LCE2A: variants seen among roughly 807,000 people sequenced by gnomAD.
The protein encoded by LCE2A is late cornified envelope 2A, also known as late cornified envelope protein 2A.
For missense variants in LCE2A, 147 were observed against 137.6 expected, an observed-to-expected ratio of 1.07 and a Z score of -0.34; for synonymous variants, 65 against 52.5, an observed-to-expected ratio of 1.24 and a Z score of -1.03.
Position 152,699,010 on chromosome 1 carries a change from C to A in LCE2A, c.109C>A (p.Pro37Thr), listed in dbSNP as rs756869440. 1.4e-5 allele frequency: 23 copies of A among 1,614,046 alleles called. No individual in the cohort carries two copies. The Middle Eastern group carries it at 8.2e-4, about 58-fold the overall frequency. ...CCGACCTCAGTGCCCAGCCCCATGC[C>A]CACCTCCAGTCTCTTCCTGCTGTGG... ...KCRPQCPAPCPPPVSSCCGPS... is the reference protein window; with the variant it reads ...KCRPQCPAPCTPPVSSCCGPS... Residue 37 changes from proline (P) to threonine (T), a missense_variant, in exon 2 of 2, where the codon CCA (proline) becomes ACA (threonine). Physicochemically the swap from Pro to Thr is conservative, Grantham distance 38 (BLOSUM62 -1). Coordinates refer to ENST00000368779, the MANE Select transcript of LCE2A (RefSeq NM_178428.4).
rs1471229292 is a variant in LCE2A at position 152,699,422 on chromosome 1, G to C, written c.*200G>C. The C allele has an allele frequency of 1.5e-6, 1 of 664,834 alleles. No homozygotes were observed. The highest frequency in any genetic ancestry group is 2.6e-6 in the Non-Finnish European group (1 of 389,600). The allele number at this position is 664,834 out of a possible 1,614,324, so 41.2% of individuals were successfully genotyped here. A position where few individuals can be genotyped will look rare whatever the true frequency, so the allele number is the denominator to read the frequency against. The stretch of plus-strand genomic sequence containing the variant: ...CCACTTTACCTCATACAACAATAAA[G>C]CTCTTTTGCCTCTTCGTGAAGTACC... On this transcript the variant is annotated 3_prime_UTR_variant, in exon 2 of 2. Transcript: ENST00000368779.
Position 152,699,137 on chromosome 1 carries a change from G to A in LCE2A, c.236G>A (p.Arg79Gln), listed in dbSNP as rs371432619. 166 of 1,613,912 alleles carry A rather than the reference G, an allele frequency of 1.0e-4. No homozygotes were observed. The highest frequency in any genetic ancestry group is 1.7e-4 in the Middle Eastern group (1 of 6,060). Residue 79 changes from arginine to glutamine, a missense_variant, in exon 2 of 2, where the codon CGG (arginine) becomes CAG (glutamine). Coordinates refer to ENST00000368779, the MANE Select transcript of LCE2A (RefSeq NM_178428.4). ...CACCACAGGCCCCGTCTCTTCCACC[G>A]GCACCGGCACCAGAGCCCCGATTGT... ...LSHHRPRLFH[R>Q]HRHQSPDCCE... is the part of the protein sequence containing the mutation.
Position 152,698,906 on chromosome 1 carries a change from C to T in LCE2A, c.5C>T (p.Ser2Phe). 6.2e-7 allele frequency: 1 copy of T among 1,614,174 alleles called. No homozygotes were observed. Among genetic ancestry groups the T allele is most frequent in the Non-Finnish European group, 8.5e-7 (1 of 1,180,018 alleles). M[S>F]CQQNQQQCQP... Reference sequence around the variant, plus strand: ...GGTTGAAAAAGTCGCACTGAGATGTCCTGCCAGCAAAACCAGCAGCAGTGC... The same window carrying T: ...GGTTGAAAAAGTCGCACTGAGATGTTCTGCCAGCAAAACCAGCAGCAGTGC... The change falls in exon 2 of 2, where the codon TCC becomes TTC. Residue 2 changes from serine (S) to phenylalanine (F), a missense_variant. By Grantham distance (155) the Ser-to-Phe change is radical. Coordinates refer to ENST00000368779, the MANE Select transcript of LCE2A (RefSeq NM_178428.4).
At chr1:152,698,817 A>G in intron 1 of LCE2A, 65 bp from the exon 2 acceptor site, 1 of 1,413,866 alleles carries the variant, frequency 7.1e-7, no homozygotes, top group Non-Finnish European at 9.9e-7. Flanking sequence ...ATTTAGTTTT[A>G]AAAGAGATAA....
chr1:152,698,738 C>T, intron 1 of LCE2A, 144 bp from the exon 2 acceptor site: 2 of 643,448 alleles, frequency 3.1e-6, no homozygotes, highest in South Asian at 4.5e-5. Flanking sequence ...TTTTCTTTCA[C>T]TTGTTGATAT....
Position 152,698,893 on chromosome 1 carries a change from C to G in LCE2A, c.-9C>G, listed in dbSNP as rs369058300. The G allele has an allele frequency of 4.3e-6, 7 of 1,613,924 alleles. No individual in the cohort carries two copies. The highest frequency in any genetic ancestry group is 5.9e-6 in the Non-Finnish European group (7 of 1,179,950). On this transcript the variant is annotated 5_prime_UTR_variant, in exon 2 of 2. Coordinates refer to ENST00000368779, the MANE Select transcript of LCE2A (RefSeq NM_178428.4). ...ATTTCGAATTTCAGGTTGAAAAAGT[C>G]GCACTGAGATGTCCTGCCAGCAAAA...
Position 152,698,883 on chromosome 1 carries a change from T to C in LCE2A, c.-19T>C. Reference sequence around the variant, plus strand: ...GGGTTTGACTATTTCGAATTTCAGGTTGAAAAAGTCGCACTGAGATGTCCT... The same window carrying C: ...GGGTTTGACTATTTCGAATTTCAGGCTGAAAAAGTCGCACTGAGATGTCCT... On this transcript the variant is annotated splice_region_variant and 5_prime_UTR_variant, in exon 2 of 2. Transcript: ENST00000368779. 1.2e-6 allele frequency: 2 copies of C among 1,614,022 alleles called. No individual in the cohort carries two copies.
Position 152,698,949 on chromosome 1 carries a change from C to G in LCE2A, c.48C>G (p.Cys16Trp), listed in dbSNP as rs773856800. ...AGCAGTGCCAGCCCCCTCCCAAGTG[C>G]CCCCCAAAATGCCCACCCAAGTGTC... is the stretch of plus-strand genomic sequence containing the variant. Reference protein sequence around the residue: ...NQQQCQPPPKCPPKCPPKCPP... With the variant: ...NQQQCQPPPKWPPKCPPKCPP... Residue 16 changes from cysteine (C) to tryptophan (W), a missense_variant, in exon 2 of 2, where the codon TGC (cysteine) becomes TGG (tryptophan). Transcript: ENST00000368779. 2.5e-6 allele frequency: 4 copies of G among 1,614,094 alleles called. No homozygotes were observed. The highest frequency in any genetic ancestry group is 3.4e-6 in the Non-Finnish European group (4 of 1,180,000).
Position 152,699,049 on chromosome 1 carries a change from G to T in LCE2A, c.148G>T (p.Gly50Cys). The change falls in exon 2 of 2, where the codon GGC becomes TGC. Residue 50 changes from glycine (G) to cysteine (C), a missense_variant. Coordinates refer to ENST00000368779, the MANE Select transcript of LCE2A (RefSeq NM_178428.4). ...TTCCTGCTGTGGTCCCAGCTCTGGGGGCTGCTGCGGCTCCAGCTCTGGGGG... is the reference window on the plus strand; with the variant it reads ...TTCCTGCTGTGGTCCCAGCTCTGGGTGCTGCTGCGGCTCCAGCTCTGGGGG... ...VSSCCGPSSG[G>C]CCGSSSGGCC... 3 of 1,613,696 alleles carry T rather than the reference G, an allele frequency of 1.9e-6. No individual in the cohort carries two copies. Among genetic ancestry groups the T allele is most frequent in the Non-Finnish European group, 2.5e-6 (3 of 1,179,882 alleles).
In LCE2A at chr1:152,699,168, G is replaced by A. The variant is rs1440953154; in HGVS notation, c.267G>A (p.Glu89=). ...GGCACCAGAGCCCCGATTGTTGTGA[G>A]TGTGAACCTTCTGGGGGCTCTGGCT... ...RHRHQSPDCC[E]CEPSGGSGCC... The change falls in exon 2 of 2, where the codon GAG becomes GAA. Residue 89 remains glutamate, a synonymous_variant. Coordinates refer to ENST00000368779, the MANE Select transcript of LCE2A (RefSeq NM_178428.4). 6.2e-7 allele frequency: 1 copy of A among 1,613,982 alleles called. No individual in the cohort carries two copies. Among genetic ancestry groups the A allele is most frequent in the Middle Eastern group, 1.6e-4 (1 of 6,062 alleles).
rs753692865 is a variant in LCE2A at position 152,699,143 on chromosome 1, G to A, written c.242G>A (p.Arg81Gln). Residue 81 changes from arginine to glutamine, a missense_variant, in exon 2 of 2, where the codon CGG (arginine) becomes CAG (glutamine). Coordinates refer to ENST00000368779, the MANE Select transcript of LCE2A (RefSeq NM_178428.4). ...AGGCCCCGTCTCTTCCACCGGCACC[G>A]GCACCAGAGCCCCGATTGTTGTGAG... ...HHRPRLFHRHRHQSPDCCECE... is the reference protein window; with the variant it reads ...HHRPRLFHRHQHQSPDCCECE... 59 of 1,613,828 alleles carry A rather than the reference G, an allele frequency of 3.7e-5. No individual in the cohort carries two copies. The highest frequency in any genetic ancestry group is 4.5e-5 in the East Asian group (2 of 44,876).
Position 152,698,926 on chromosome 1 carries a change from C to G in LCE2A, c.25C>G (p.Gln9Glu), listed in dbSNP as rs140692896. MSCQQNQQ[Q>E]CQPPPKCPPK... is the part of the protein sequence containing the mutation. ...GATGTCCTGCCAGCAAAACCAGCAG[C>G]AGTGCCAGCCCCCTCCCAAGTGCCC... Residue 9 changes from glutamine (Q) to glutamate (E), a missense_variant, in exon 2 of 2, where the codon CAG becomes GAG. Coordinates refer to ENST00000368779, the MANE Select transcript of LCE2A (RefSeq NM_178428.4). The G allele has an allele frequency of 6.2e-7, 1 of 1,614,200 alleles. No homozygotes were observed. The highest frequency in any genetic ancestry group is 8.5e-7 in the Non-Finnish European group (1 of 1,180,028).
chr1:152,698,776 C>A (rs959063868), intron 1 of LCE2A, 106 bp from the exon 2 acceptor site: 55 of 912,846 alleles, frequency 6.0e-5, no homozygotes, highest in Non-Finnish European at 7.0e-6. Flanking sequence ...TATATATACA[C>A]ACACTGAGTA....
In LCE2A at chr1:152,699,408, C is replaced by T; in HGVS notation, c.*186C>T. The stretch of plus-strand genomic sequence containing the variant: ...CTGATCTTACCTTCCCACTTTACCT[C>T]ATACAACAATAAAGCTCTTTTGCCT... On this transcript the variant is annotated 3_prime_UTR_variant, in exon 2 of 2. Transcript: ENST00000368779. 1 of 707,152 alleles carries T rather than the reference C, an allele frequency of 1.4e-6. No homozygotes were observed. The highest frequency in any genetic ancestry group is 2.4e-6 in the Non-Finnish European group (1 of 423,944). The allele number at this position is 707,152 out of a possible 1,614,324, so 43.8% of individuals were successfully genotyped here.
At position 152,698,919 on chromosome 1, in the gene LCE2A, C is replaced by T. The variant is rs199841296; in HGVS notation, c.18C>T (p.Asn6=). 4 of 1,614,190 alleles carry T rather than the reference C, an allele frequency of 2.5e-6. No homozygotes were observed. The highest frequency in any genetic ancestry group is 2.5e-6 in the Non-Finnish European group (3 of 1,180,040). Residue 6 remains asparagine (N), a synonymous_variant, in exon 2 of 2, where the codon AAC becomes AAT. Transcript: ENST00000368779. The part of the protein sequence containing the change: MSCQQ[N]QQQCQPPPKC... ...GCACTGAGATGTCCTGCCAGCAAAA[C>T]CAGCAGCAGTGCCAGCCCCCTCCCA... is the stretch of plus-strand genomic sequence containing the variant.
chr1:152,698,786 A>T (rs1411999476), intron 1 of LCE2A, 96 bp from the exon 2 acceptor site: 5 of 1,010,328 alleles, frequency 4.9e-6, no homozygotes, highest in Non-Finnish European at 7.6e-6. Context: ...CACACTGAGT[A>T]TTATTCACCA....
At chr1:152,698,604 T>A (rs1198968579) in intron 1 of LCE2A, among the ~76,000 whole-genome samples, 2 of 152,206 alleles carry the variant, frequency 1.3e-5, no homozygotes, top group South Asian at 2.1e-4. Flanking sequence ...ATGGATACTT[T>A]GTTGGGTATG....
rs757759906 is a variant in LCE2A, at chr1:152,699,160, T to G, written c.259T>G (p.Cys87Gly). ...FHRHRHQSPD[C>G]CECEPSGGSG... ...CCGGCACCGGCACCAGAGCCCCGAT[T>G]GTTGTGAGTGTGAACCTTCTGGGGG... Residue 87 changes from cysteine to glycine, a missense_variant, in exon 2 of 2, where the codon TGT (cysteine) becomes GGT (glycine). By Grantham distance (159) the Cys-to-Gly change is radical. Transcript: ENST00000368779. 1.0e-4 allele frequency: 162 copies of G among 1,613,842 alleles called. No homozygotes were observed. The highest frequency in any genetic ancestry group is 1.5e-4 in the Admixed American group (9 of 59,964).
At chr1:152,698,813 T>C in intron 1 of LCE2A, 69 bp from the exon 2 acceptor site, 1 of 1,375,478 alleles carries the variant, frequency 7.3e-7, no homozygotes, top group South Asian at 1.2e-5. Context: ...TATGATTTAG[T>C]TTTAAAAGAG....
Sources: allele counts gnomAD v4.1 joint callset (sites outside exome capture counted in the v4.1 genomes callset), GRCh38; gene constraint gnomAD v4.1.1; transcripts MANE v1.5; gene names NCBI Gene and HGNC (gene_info 2026-07-23, HGNC 2026-07-21).